The following CNTN5 variants were observed in gnomAD, a reference collection of about 807,000 sequenced individuals.
The protein encoded by CNTN5 is contactin 5.
A neutral mutation model predicts 129.1 loss-of-function variants in CNTN5; 77 were observed. The ratio of observed to expected loss-of-function variants is 0.60; its 90% CI spans 0.50 to 0.72. The LOEUF is 0.72. Ranked by LOEUF, CNTN5 falls within the 30% of genes least tolerant of loss-of-function variation. CNTN5 has a pLI of 0.00. For missense variants in CNTN5, 1,478 were observed against 1,328.8 expected (o/e 1.11, Z -1.75); for synonymous variants, 509 against 465.6 (o/e 1.09, Z -1.20).
intron 3 of CNTN5, among the ~76,000 whole-genome samples, chr11:99,645,478 T>C (rs1951923806): frequency 6.6e-6 from 1 of 152,022 alleles, no homozygotes; most frequent in South Asian, 2.1e-4. Context: ...CTAATCATTC[T>C]ACTATAAAGA....
chr11:99,274,207 A>G (rs1290818018), intron 1 of CNTN5, among the ~76,000 whole-genome samples: 1 of 151,710 alleles, frequency 6.6e-6, no homozygotes, highest in African/African-American at 2.4e-5. Context: ...AGGAGCAGTA[A>G]GCTTATTATA....
chr11:99,251,191 G>A (rs955767916), intron 1 of CNTN5, among the ~76,000 whole-genome samples: 1 of 151,774 alleles, frequency 6.6e-6, no homozygotes, highest in African/African-American at 2.4e-5. Context: ...AAGAAAACAG[G>A]TTATTTATAT....
At chr11:99,433,094 C>A (rs1464329117) in intron 2 of CNTN5, among the ~76,000 whole-genome samples, 1 of 150,900 alleles carries the variant, frequency 6.6e-6, no homozygotes, top group Non-Finnish European at 1.5e-5. Context: ...GGATGGAAAT[C>A]TGAAATTTTG....
chr11:100,140,429 G>A (rs886346492), intron 13 of CNTN5, among the ~76,000 whole-genome samples: 10 of 152,156 alleles, frequency 6.6e-5, no homozygotes, highest in African/African-American at 2.4e-4. Context: ...TGGAATTTAA[G>A]CTAGATAAAT....
intron 1 of CNTN5, among the ~76,000 whole-genome samples, chr11:99,087,077 C>T (rs557395873): frequency 1.3e-5 from 2 of 152,228 alleles, no homozygotes; most frequent in South Asian, 4.1e-4. Flanking sequence ...TTGTTCTTTC[C>T]TTACTGTACT....
intron 13 of CNTN5, among the ~76,000 whole-genome samples, chr11:100,176,117 C>A (rs548773494): frequency 3.3e-5 from 5 of 151,902 alleles, no homozygotes; most frequent in Non-Finnish European, 7.4e-5. Flanking sequence ...CCTTCCGGTT[C>A]CAAGTGATTA....
intron 17 of CNTN5, among the ~76,000 whole-genome samples, chr11:100,266,130 C>T (rs914662351): frequency 6.6e-6 from 1 of 151,984 alleles, no homozygotes; most frequent in African/African-American, 2.4e-5. Context: ...GTGGCTCATA[C>T]TTGTGGTCTC....
chr11:99,648,114 C>T (rs7358292), intron 3 of CNTN5, among the ~76,000 whole-genome samples: 2,633 of 151,900 alleles, frequency 0.017, 70 homozygotes, highest in African/African-American at 0.059. Context: ...CCTAACTTGT[C>T]GAGTGATTTT....
chr11:99,190,853 C>T (rs1858603595), intron 1 of CNTN5, among the ~76,000 whole-genome samples: 1 of 151,372 alleles, frequency 6.6e-6, no homozygotes, highest in Non-Finnish European at 1.5e-5. Flanking sequence ...TTGCCTAACT[C>T]CTCAAGCTAG....
chr11:99,556,707 C>T (rs1012514178), intron 3 of CNTN5, among the ~76,000 whole-genome samples: 3 of 149,640 alleles, frequency 2.0e-5, no homozygotes, highest in African/African-American at 7.3e-5. Flanking sequence ...CATCACAATG[C>T]TAAATTTCAC....
At chr11:100,107,185 C>T (rs1274059639) in intron 13 of CNTN5, among the ~76,000 whole-genome samples, 1 of 152,080 alleles carries the variant, frequency 6.6e-6, no homozygotes, top group Non-Finnish European at 1.5e-5. Context: ...TTTCCTCACT[C>T]CTGCCTTGCT....
At chr11:100,341,028 A>G (rs953359763) in intron 22 of CNTN5, 65 bp from the exon 23 acceptor site, 30 of 1,196,498 alleles carry the variant, frequency 2.5e-5, no homozygotes, top group Non-Finnish European at 3.6e-5. Context: ...GATACTCACA[A>G]AGAATTAAAT....
At chr11:99,688,242 A>G (rs765169943) in intron 3 of CNTN5, among the ~76,000 whole-genome samples, 3 of 152,150 alleles carry the variant, frequency 2.0e-5, no homozygotes, top group African/African-American at 4.8e-5. Flanking sequence ...GCATCTTGCT[A>G]TGTTGCCCAG....
At chr11:99,650,188 A>G (rs2135876667) in intron 3 of CNTN5, among the ~76,000 whole-genome samples, 1 of 152,062 alleles carries the variant, frequency 6.6e-6, no homozygotes. Context: ...TCACAAGAGA[A>G]TTGTAAAAAC....
At chr11:99,149,956 A>G (rs559962211) in intron 1 of CNTN5, among the ~76,000 whole-genome samples, 1 of 152,106 alleles carries the variant, frequency 6.6e-6, no homozygotes, top group Non-Finnish European at 1.5e-5. Flanking sequence ...GTATATTGCT[A>G]TTCACTTAGA....
chr11:100,247,212 C>G (rs1020340943), intron 16 of CNTN5, among the ~76,000 whole-genome samples: 1 of 151,836 alleles, frequency 6.6e-6, no homozygotes, highest in South Asian at 2.1e-4. Flanking sequence ...AGTTTCATGC[C>G]GAGGAATCAG....
chr11:99,301,504 T>G (rs1305013005), intron 1 of CNTN5, among the ~76,000 whole-genome samples: 2 of 151,766 alleles, frequency 1.3e-5, no homozygotes, highest in African/African-American at 2.4e-5. Context: ...AGAGGGGCAT[T>G]GTATTATAAA....
chr11:99,133,450 A>G (rs1481556617), intron 1 of CNTN5, among the ~76,000 whole-genome samples: 3 of 152,066 alleles, frequency 2.0e-5, no homozygotes, highest in Non-Finnish European at 4.4e-5. Context: ...AAAAGAAACT[A>G]TCATCAGGGC....
chr11:100,329,673 G>A (rs1951862964), intron 21 of CNTN5, among the ~76,000 whole-genome samples: 1 of 152,194 alleles, frequency 6.6e-6, no homozygotes, highest in Non-Finnish European at 1.5e-5. Context: ...AGCCTCCAAT[G>A]CCAGCCAGAA....
Sources: gnomAD v4.1 joint callset for allele counts (sites outside exome capture counted in the v4.1 genomes callset) on GRCh38, gnomAD v4.1.1 for gene constraint, MANE v1.5 for transcripts, NCBI Gene and HGNC (gene_info 2026-07-23, HGNC 2026-07-21) for gene names.